The following NARS2 variants were observed in gnomAD, a reference collection of about 807,000 sequenced individuals.
NARS2 encodes asparaginyl-tRNA synthetase.
In NARS2, 60 loss-of-function variants were observed where a neutral mutation model predicts 62.9. The observed-to-expected ratio is 0.95, with a 90% CI of 0.77 to 1.18. The LOEUF (loss-of-function observed/expected upper bound fraction) is 1.18, where lower values mean the gene tolerates loss of function less well. NARS2 is among the 50% of genes most tolerant of loss of function. NARS2 has a pLI of 0.00. For synonymous variants in NARS2, 196 were observed against 200.0 expected, an observed-to-expected ratio of 0.98 and a Z score of 0.17; for missense variants, 619 against 576.4, an observed-to-expected ratio of 1.07 and a Z score of -0.76.
At chr11:78,475,648 A>T (rs930265501) in intron 9 of NARS2, among the ~76,000 whole-genome samples, 1 of 135,200 alleles carries the variant, frequency 7.4e-6, no homozygotes, top group African/African-American at 2.8e-5. Flanking sequence ...GCTGGAGTGC[A>T]GCAGCGTCTG....
At chr11:78,461,947 C>T (rs1478053219) in intron 11 of NARS2, among the ~76,000 whole-genome samples, 1 of 151,802 alleles carries the variant, frequency 6.6e-6, no homozygotes, top group Non-Finnish European at 1.5e-5. Flanking sequence ...AGCAAGATTC[C>T]GTCTTTTAAA....
chr11:78,534,900 A>C (rs1425574140), intron 5 of NARS2, among the ~76,000 whole-genome samples: 2 of 152,246 alleles, frequency 1.3e-5, no homozygotes, highest in African/African-American at 4.8e-5. Flanking sequence ...ATTAAGGAAT[A>C]ATGTAATCCA....
chr11:78,558,141 T>G lies in NARS2; in HGVS notation c.594+1398A>C, dbSNP rs1187657473. 3 of 152,312 alleles carry G rather than the reference T, an allele frequency of 2.0e-5. No individual in the cohort carries two copies. In the East Asian group the frequency reaches 5.8e-4, roughly 29 times the overall value. The allele number at this position is 152,312 out of a possible 1,614,324, so 9.4% of individuals were successfully genotyped here. A position where few individuals can be genotyped will look rare whatever the true frequency, so the allele number is the denominator to read the frequency against. On this transcript the variant is annotated intron_variant, in intron 5 of 13. Transcript: ENST00000281038. Reference sequence around the variant, plus strand: ...GAGAAAATAAACACCTAGAAGAGAATGTTTTCCAGAATTTACATATGGTTA... The same window carrying G: ...GAGAAAATAAACACCTAGAAGAGAAGGTTTTCCAGAATTTACATATGGTTA...
chr11:78,495,383 A>C (rs1323688219), intron 6 of NARS2, among the ~76,000 whole-genome samples: 1 of 152,110 alleles, frequency 6.6e-6, no homozygotes, highest in East Asian at 1.9e-4. Flanking sequence ...ACTTGGCTCA[A>C]CTGTCACTTC....
At chr11:78,472,629 C>T (rs924379372) in intron 9 of NARS2, among the ~76,000 whole-genome samples, 3 of 152,192 alleles carry the variant, frequency 2.0e-5, no homozygotes, top group Non-Finnish European at 4.4e-5. Context: ...GAAAAATACA[C>T]TGAAATCTAC....
chr11:78,502,066 C>T (rs1328851956), intron 6 of NARS2, among the ~76,000 whole-genome samples: 2 of 152,276 alleles, frequency 1.3e-5, no homozygotes, highest in South Asian at 2.1e-4. Flanking sequence ...AGAAGCTAGA[C>T]ACCAAAGGCC....
In NARS2 at chr11:78,574,666, G is replaced by A; in HGVS notation, c.-178C>T. The stretch of plus-strand genomic sequence containing the variant: ...CAGGACTCCCAGCTCTGTCCCCACA[G>A]AACCTCTCCGCTTCCCACTTCCCAA... On this transcript the variant is annotated 5_prime_UTR_variant, in exon 1 of 14. Transcript: ENST00000281038. 1 of 644,668 alleles carries A rather than the reference G, an allele frequency of 1.6e-6. No homozygotes were observed. Among genetic ancestry groups the A allele is most frequent in the Non-Finnish European group, 2.6e-6 (1 of 385,494 alleles). 39.9% of individuals were successfully genotyped at this position (644,668 alleles called of 1,614,324 possible). A position where few individuals can be genotyped will look rare whatever the true frequency, so the allele number is the denominator to read the frequency against.
chr11:78,544,610 C>T (rs1227937927), intron 5 of NARS2, among the ~76,000 whole-genome samples: 2 of 151,858 alleles, frequency 1.3e-5, no homozygotes, highest in Non-Finnish European at 2.9e-5. Context: ...CTGGCTAACA[C>T]GGTGAAACCC....
At chr11:78,468,364 T>C (rs1273339954) in intron 10 of NARS2, among the ~76,000 whole-genome samples, 3 of 147,552 alleles carry the variant, frequency 2.0e-5, no homozygotes, top group Non-Finnish European at 3.0e-5. Context: ...CCTGTTTAGT[T>C]ATGTTGCCTA....
At chr11:78,466,589 T>C (rs1022425537) in intron 10 of NARS2, among the ~76,000 whole-genome samples, 1 of 152,160 alleles carries the variant, frequency 6.6e-6, no homozygotes, top group African/African-American at 2.4e-5. Context: ...CAAGTGATTC[T>C]CCTGCCTCAG....
intron 10 of NARS2, among the ~76,000 whole-genome samples, chr11:78,467,567 AAATT>A (rs1190417130): frequency 3.9e-4 from 52 of 133,602 alleles, no homozygotes; most frequent in Admixed American, 1.1e-3. Context: ...ATAAATAAAT[AAATT>A]AATTAATTAA....
intron 11 of NARS2, among the ~76,000 whole-genome samples, chr11:78,458,654 G>A (rs1858260845): frequency 6.6e-6 from 1 of 152,146 alleles, no homozygotes; most frequent in African/African-American, 2.4e-5. Flanking sequence ...AAACTTTGTT[G>A]GATTTGATTC....
At chr11:78,444,741 A>G (rs1452839976) in intron 11 of NARS2, among the ~76,000 whole-genome samples, 8 of 151,450 alleles carry the variant, frequency 5.3e-5, no homozygotes, top group African/African-American at 1.7e-4. Context: ...AAAAAAAAAA[A>G]GGGTGATAAG....
At chr11:78,543,867 C>A (rs867176629) in intron 5 of NARS2, among the ~76,000 whole-genome samples, 13 of 151,880 alleles carry the variant, frequency 8.6e-5, no homozygotes, top group African/African-American at 2.9e-4. Flanking sequence ...CCCGTCTCTA[C>A]TAAAACTACA....
intron 6 of NARS2, among the ~76,000 whole-genome samples, chr11:78,523,806 G>T (rs181523822): frequency 7.9e-5 from 12 of 152,226 alleles, no homozygotes; most frequent in Non-Finnish European, 1.3e-4. Flanking sequence ...TTGCCCAGGG[G>T]TGGGGGCAAA....
chr11:78,507,603 T>A (rs1480917522), intron 6 of NARS2, among the ~76,000 whole-genome samples: 1 of 150,512 alleles, frequency 6.6e-6, no homozygotes, highest in Non-Finnish European at 1.5e-5. Context: ...CACTGCAAAC[T>A]CCGCCTCCCG....
chr11:78,449,317 T>C (rs1857880948), intron 11 of NARS2, among the ~76,000 whole-genome samples: 1 of 151,736 alleles, frequency 6.6e-6, no homozygotes, highest in East Asian at 1.9e-4. Flanking sequence ...TTTGTATTTT[T>C]AGTAGAGACA....
chr11:78,571,602 G>A, intron 1 of NARS2, 158 bp from the exon 2 acceptor site: 1 of 571,888 alleles, frequency 1.7e-6, no homozygotes, highest in Non-Finnish European at 3.2e-6. Context: ...AATTTTATAT[G>A]TTCCAATCAC....
At chr11:78,442,718 G>A (rs1857613439) in intron 12 of NARS2, among the ~76,000 whole-genome samples, 1 of 151,672 alleles carries the variant, frequency 6.6e-6, no homozygotes, top group Non-Finnish European at 1.5e-5. Context: ...GCATATAAAT[G>A]TATATGTAGG....
Sources: allele counts gnomAD v4.1 joint callset (sites outside exome capture counted in the v4.1 genomes callset), GRCh38; gene constraint gnomAD v4.1.1; transcripts MANE v1.5; gene names NCBI Gene and HGNC (gene_info 2026-07-23, HGNC 2026-07-21).